FAF1: variants seen among roughly 807,000 people sequenced by gnomAD.
FAF1 encodes FAS-associated factor 1.
FAF1 carries 25 observed loss-of-function variants against 92.5 expected under a neutral mutation model. That is an observed-to-expected ratio of 0.27 (90% CI 0.20 to 0.38). The LOEUF is 0.38. FAF1 is among the 10% of genes least tolerant of loss of function. The pLI is 1.00. For missense variants in FAF1, 636 were observed against 793.3 expected (o/e 0.80, Z 2.38); for synonymous variants, 234 against 273.2 (o/e 0.86, Z 1.42).
At chr1:50,786,792 T>G (rs1484293478) in intron 4 of FAF1, among the ~76,000 whole-genome samples, 1 of 152,106 alleles carries the variant, frequency 6.6e-6, no homozygotes, top group Non-Finnish European at 1.5e-5. Context: ...AAACTAGAAA[T>G]GCAGGTAGGG....
chr1:50,640,362 G>A (rs1396032261), intron 8 of FAF1, among the ~76,000 whole-genome samples: 16 of 150,326 alleles, frequency 1.1e-4, no homozygotes, highest in South Asian at 2.1e-4. Context: ...GTGCGATCTC[G>A]GCTCACTGCA....
intron 6 of FAF1, among the ~76,000 whole-genome samples, chr1:50,714,533 AAAAC>A (rs1298562814): frequency 1.3e-5 from 2 of 152,018 alleles, no homozygotes; most frequent in South Asian, 2.1e-4. Flanking sequence ...ACAAAAAACC[AAAAC>A]AAACAAACAA....
chr1:50,643,049 T>C (rs1034459770), intron 8 of FAF1, among the ~76,000 whole-genome samples: 2 of 152,046 alleles, frequency 1.3e-5, no homozygotes, highest in South Asian at 4.1e-4. Context: ...AGGCTGGTCT[T>C]GAACTCCTGA....
chr1:50,455,624 A>G (rs1029406198), intron 18 of FAF1, among the ~76,000 whole-genome samples: 6 of 152,206 alleles, frequency 3.9e-5, no homozygotes, highest in Non-Finnish European at 8.8e-5. Flanking sequence ...ATCACATAAT[A>G]TCAGAGCTGA....
chr1:50,670,348 A>C (rs1655818689), intron 7 of FAF1, among the ~76,000 whole-genome samples: 1 of 151,898 alleles, frequency 6.6e-6, no homozygotes, highest in African/African-American at 2.4e-5. Flanking sequence ...TGCACCTCCC[A>C]AAGTGCTGGG....
Position 50,818,113 on chromosome 1 carries a change from TC to T in FAF1, c.115-16437del, listed in dbSNP as rs564277106. Among the ~76,000 whole-genome samples, 196 of 152,308 alleles carry T rather than the reference TC, an allele frequency of 1.3e-3. 1 individual carries two copies. The highest frequency in any genetic ancestry group is 2.2e-3 in the Non-Finnish European group (152 of 68,012). ...AGGTGCACGTATCTGTCAAAACTTA[TC>T]AAATTTTACAGTGGAAATGAGTTTA... On this transcript the variant is annotated intron_variant, in intron 2 of 18. Transcript: ENST00000396153.
At chr1:50,832,378 T>C (rs886654638) in intron 2 of FAF1, among the ~76,000 whole-genome samples, 21 of 152,150 alleles carry the variant, frequency 1.4e-4, no homozygotes, top group African/African-American at 4.3e-4. Context: ...CAGGAACAAA[T>C]TGGTCACTCA....
intron 4 of FAF1, among the ~76,000 whole-genome samples, chr1:50,762,976 C>T (rs990314028): frequency 6.6e-6 from 1 of 152,096 alleles, no homozygotes; most frequent in Non-Finnish European, 1.5e-5. Flanking sequence ...AGAATGTAGG[C>T]CAGGCGCGTT....
intron 8 of FAF1, among the ~76,000 whole-genome samples, chr1:50,617,006 C>T (rs981387219): frequency 6.6e-6 from 1 of 152,098 alleles, no homozygotes; most frequent in Non-Finnish European, 1.5e-5. Flanking sequence ...TATCCAGAAA[C>T]CTTGCTAAAT....
At chr1:50,489,370 A>G (rs186268313) in intron 17 of FAF1, among the ~76,000 whole-genome samples, 2 of 152,280 alleles carry the variant, frequency 1.3e-5, no homozygotes, top group East Asian at 1.9e-4. Flanking sequence ...AGGCCTTTCC[A>G]TTGCTTGTTA....
chr1:50,659,745 T>C (rs1040573990), intron 7 of FAF1, among the ~76,000 whole-genome samples: 1 of 152,240 alleles, frequency 6.6e-6, no homozygotes. Context: ...CAAACTATAC[T>C]GTATTTGGAT....
At chr1:50,568,810 C>T (rs1265422260) in intron 12 of FAF1, among the ~76,000 whole-genome samples, 4 of 152,094 alleles carry the variant, frequency 2.6e-5, no homozygotes, top group South Asian at 2.1e-4. Context: ...GTAGTCAAGG[C>T]TTATGGAAGC....
chr1:50,613,767 A>G (rs546256070), intron 8 of FAF1, among the ~76,000 whole-genome samples: 4 of 151,466 alleles, frequency 2.6e-5, no homozygotes, highest in South Asian at 2.1e-4. Context: ...ATACACATGC[A>G]TTGCAAGAAA....
At chr1:50,569,086 C>A (rs1650306858) in intron 12 of FAF1, among the ~76,000 whole-genome samples, 2 of 152,146 alleles carry the variant, frequency 1.3e-5, no homozygotes. Flanking sequence ...AGAACAGTAT[C>A]AGCCTTCTAG....
intron 7 of FAF1, 73 bp downstream of exon 7, chr1:50,705,713 A>T (rs1657646420): frequency 1.7e-5 from 14 of 800,846 alleles, no homozygotes; most frequent in Non-Finnish European, 3.0e-5. Context: ...CAGAACAGAT[A>T]AGCCCTCTTT....
At chr1:50,746,267 TATATATATATATATATATATA>T (rs1230935904) in intron 4 of FAF1, among the ~76,000 whole-genome samples, 10 of 20,112 alleles carry the variant, frequency 5.0e-4, no homozygotes, top group Non-Finnish European at 6.0e-4. Flanking sequence ...TATATATATA[TATATATATATATATATATATA>T]TATATTTTTT....
At chr1:50,507,042 T>C (rs1057130104) in intron 15 of FAF1, among the ~76,000 whole-genome samples, 16 of 152,232 alleles carry the variant, frequency 1.1e-4, no homozygotes, top group Non-Finnish European at 1.8e-4. Context: ...AGGAAAATTA[T>C]CCTTTTGTGT....
At chr1:50,493,799 T>C (rs755586394) in intron 15 of FAF1, among the ~76,000 whole-genome samples, 15 of 152,192 alleles carry the variant, frequency 9.9e-5, no homozygotes, top group Non-Finnish European at 2.1e-4. Context: ...ATCCACAAAA[T>C]GGCTGGCCCA....
At chr1:50,791,255 C>T (rs1169780949) in intron 3 of FAF1, among the ~76,000 whole-genome samples, 1 of 152,214 alleles carries the variant, frequency 6.6e-6, no homozygotes, top group Non-Finnish European at 1.5e-5. Context: ...TGTGCGATGA[C>T]ATTTCACATC....
Sources: gnomAD v4.1 joint callset for allele counts (sites outside exome capture counted in the v4.1 genomes callset) on GRCh38, gnomAD v4.1.1 for gene constraint, MANE v1.5 for transcripts, NCBI Gene and HGNC (gene_info 2026-07-23, HGNC 2026-07-21) for gene names.